ATG7: variants seen among roughly 807,000 people sequenced by gnomAD.
The protein encoded by ATG7 is ubiquitin-like modifier-activating enzyme ATG7.
Under a neutral mutation model 82.4 loss-of-function variants are expected in ATG7, and 70 were observed. The ratio of observed to expected loss-of-function variants is 0.85; its 90% CI spans 0.70 to 1.04. ATG7 has a LOEUF of 1.04. Ranked by LOEUF, ATG7 falls within the 50% of genes least tolerant of loss-of-function variation. ATG7 has a pLI of 0.00. For synonymous variants in ATG7, 287 were observed against 313.0 expected (o/e 0.92, Z 0.88); for missense variants, 792 against 864.3 (o/e 0.92, Z 1.05).
chr3:11,485,475 C>A (rs2089515823), intron 20 of ATG7, among the ~76,000 whole-genome samples: 2 of 152,060 alleles, frequency 1.3e-5, no homozygotes, highest in Non-Finnish European at 2.9e-5. Flanking sequence ...TGAAAATTTT[C>A]TCCCATTTTG....
intron 19 of ATG7, among the ~76,000 whole-genome samples, chr3:11,400,406 A>AGTT (rs2079722830): frequency 6.6e-6 from 1 of 152,212 alleles, no homozygotes; most frequent in African/African-American, 2.4e-5. Flanking sequence ...TGAAGACAAC[A>AGTT]GAAAATAAAT....
chr3:11,289,639 C>A (rs1222489907), intron 3 of ATG7, among the ~76,000 whole-genome samples: 1 of 152,198 alleles, frequency 6.6e-6, no homozygotes, highest in African/African-American at 2.4e-5. Flanking sequence ...ACTGCAGCCT[C>A]AACCTCCTGG....
chr3:11,568,920 G>T, the ATG7 span: 2 of 1,265,880 alleles, frequency 1.6e-6, no homozygotes, highest in Non-Finnish European at 2.0e-6. The surrounding 1 kb of genome is among the most constrained non-coding windows in gnomAD (Gnocchi z 5.9). Flanking sequence ...TCCTAGGCGG[G>T]CACTTCCACT....
At chr3:11,480,450 T>C (rs1447079601) in intron 20 of ATG7, among the ~76,000 whole-genome samples, 1 of 152,062 alleles carries the variant, frequency 6.6e-6, no homozygotes, top group East Asian at 1.9e-4. Context: ...GGTGGGAGGA[T>C]TGCTTGAGAG....
intron 20 of ATG7, among the ~76,000 whole-genome samples, chr3:11,489,636 A>G (rs1245265847): frequency 7.0e-6 from 1 of 143,476 alleles, no homozygotes; most frequent in Non-Finnish European, 1.5e-5. Context: ...TTCCCTCTAC[A>G]CACTGCTTTG....
intron 20 of ATG7, among the ~76,000 whole-genome samples, chr3:11,514,141 A>C (rs2092184519): frequency 6.6e-6 from 1 of 152,186 alleles, no homozygotes; most frequent in Non-Finnish European, 1.5e-5. Context: ...AAATATTAAC[A>C]CCGCTCTTTT....
intron 19 of ATG7, among the ~76,000 whole-genome samples, chr3:11,388,166 A>G (rs1172240647): frequency 6.6e-6 from 1 of 152,114 alleles, no homozygotes; most frequent in Non-Finnish European, 1.5e-5. Context: ...GGAACTGACC[A>G]TCTACCTCTG....
intron 15 of ATG7, among the ~76,000 whole-genome samples, chr3:11,359,735 A>G (rs917626237): frequency 3.3e-5 from 5 of 150,294 alleles, no homozygotes; most frequent in Non-Finnish European, 1.5e-5. Context: ...AAAAAAACCA[A>G]CTATGCGGAG....
At chr3:11,347,335 T>C (rs140400695) in intron 13 of ATG7, among the ~76,000 whole-genome samples, 18 of 152,322 alleles carry the variant, frequency 1.2e-4, no homozygotes, top group Admixed American at 5.2e-4. Context: ...TCTAAGAATA[T>C]AGACTTGTTC....
the ATG7 span, among the ~76,000 whole-genome samples, chr3:11,569,594 GAGT>G: frequency 6.6e-6 from 1 of 152,254 alleles, no homozygotes; most frequent in African/African-American, 2.4e-5. Context: ...CAGGGCCAGT[GAGT>G]GGGCCGGGAC....
At chr3:11,497,403 A>G (rs1465263177) in intron 20 of ATG7, among the ~76,000 whole-genome samples, 1 of 127,268 alleles carries the variant, frequency 7.9e-6, no homozygotes, top group African/African-American at 2.9e-5. Context: ...TTAGCCAGGC[A>G]TGGTGGTGGG....
chr3:11,413,352 T>A (rs561758512), intron 19 of ATG7, among the ~76,000 whole-genome samples: 146 of 152,198 alleles, frequency 9.6e-4, no homozygotes, highest in Non-Finnish European at 1.1e-3. Flanking sequence ...ATTCCTAGTT[T>A]AAGTGTTTTT....
chr3:11,315,450 TG>T lies in ATG7; in HGVS notation c.636del (p.Leu212PhefsTer16). 6.2e-7 allele frequency: 1 copy of T among 1,612,210 alleles called. No individual in the cohort carries two copies. The highest frequency in any genetic ancestry group is 8.5e-7 in the Non-Finnish European group (1 of 1,179,298). ...GATGAGAACATGGTGCTGGTTTCCT[TG>T]CTTAAACACTACAGTGATTTCTTCC... ...KYDENMVLVSLLKHYSDFFQG... is the reference protein window; with the variant it reads ...KYDENMVLVSXLKHYSDFFQG... On this transcript the variant is annotated frameshift_variant, in exon 9 of 21. Transcript: ENST00000693202. LOFTEE classifies it high-confidence loss of function.
chr3:11,326,447 C>T (rs1187565147), intron 9 of ATG7, among the ~76,000 whole-genome samples: 4 of 152,118 alleles, frequency 2.6e-5, no homozygotes, highest in South Asian at 4.1e-4. Context: ...TACAGGTGCC[C>T]GCCATCATGC....
chr3:11,339,828 C>T (rs1214419226), intron 11 of ATG7, among the ~76,000 whole-genome samples: 1 of 152,212 alleles, frequency 6.6e-6, no homozygotes, highest in Non-Finnish European at 1.5e-5. Context: ...GGGTTCTGTA[C>T]TGCAGGTTTC....
At chr3:11,560,725 G>T (rs1177523747), downstream of ATG7, among the ~76,000 whole-genome samples, 3 of 152,182 alleles carry the variant, frequency 2.0e-5, no homozygotes, top group East Asian at 1.9e-4. Flanking sequence ...GACCAACCAA[G>T]AATTCAGGGT....
At chr3:11,575,876 G>C in the ATG7 span, among the ~76,000 whole-genome samples, 1 of 152,246 alleles carries the variant, frequency 6.6e-6, no homozygotes, top group African/African-American at 2.4e-5. Flanking sequence ...AATGTGTGCA[G>C]GCTTTCCAGA....
intron 11 of ATG7, among the ~76,000 whole-genome samples, chr3:11,333,589 A>G (rs1951947897): frequency 6.6e-6 from 1 of 152,006 alleles, no homozygotes; most frequent in Non-Finnish European, 1.5e-5. Context: ...TTATAAATTG[A>G]GAAACTTAGA....
intron 19 of ATG7, among the ~76,000 whole-genome samples, chr3:11,412,110 G>C (rs939897030): frequency 6.6e-6 from 1 of 152,064 alleles, no homozygotes; most frequent in African/African-American, 2.4e-5. Context: ...CAAGGAGATA[G>C]GAGCTCAGTC....
Sources: allele counts gnomAD v4.1 joint callset (sites outside exome capture counted in the v4.1 genomes callset), GRCh38; gene constraint gnomAD v4.1.1; non-coding constraint Gnocchi (gnomAD v3.1); transcripts MANE v1.5; gene names NCBI Gene and HGNC (gene_info 2026-07-23, HGNC 2026-07-21).